LNPK: variants seen among roughly 807,000 people sequenced by gnomAD.
The protein encoded by LNPK is endoplasmic reticulum junction formation protein lunapark.
A neutral mutation model predicts 55.2 loss-of-function variants in LNPK; 29 were observed. That is an observed-to-expected ratio of 0.53 (90% CI 0.39 to 0.72). The LOEUF (loss-of-function observed/expected upper bound fraction) is 0.72, where lower values mean the gene tolerates loss of function less well. Among genes scored for constraint, LNPK ranks in the 30% least tolerant of loss-of-function variants. The pLI is 0.00. For synonymous variants in LNPK, 162 were observed against 168.2 expected, an observed-to-expected ratio of 0.96 and a Z score of 0.29; for missense variants, 467 against 494.8, an observed-to-expected ratio of 0.94 and a Z score of 0.53.
intron 11 of LNPK, 139 bp downstream of exon 11, chr2:175,938,174 T>C: frequency 1.8e-6 from 1 of 555,270 alleles, no homozygotes; most frequent in Non-Finnish European, 3.2e-6. Flanking sequence ...CTTTGCTCTA[T>C]GTACTAAAAT....
At chr2:175,949,516 T>C (rs1400288195) in intron 8 of LNPK, among the ~76,000 whole-genome samples, 2 of 152,098 alleles carry the variant, frequency 1.3e-5, no homozygotes, top group African/African-American at 4.8e-5. Flanking sequence ...AATGAAAGTT[T>C]AGCATTTATT....
At chr2:175,936,074 G>A (rs552137646) in intron 12 of LNPK, among the ~76,000 whole-genome samples, 10 of 152,266 alleles carry the variant, frequency 6.6e-5, no homozygotes, top group Admixed American at 5.9e-4. Flanking sequence ...CAAGGCAGAT[G>A]GTTTGCATGT....
intron 8 of LNPK, among the ~76,000 whole-genome samples, chr2:175,951,723 T>C (rs990272679): frequency 6.6e-6 from 1 of 151,548 alleles, no homozygotes; most frequent in Non-Finnish European, 1.5e-5. Context: ...TTTCGTATAA[T>C]GACTTATTTT....
intron 8 of LNPK, among the ~76,000 whole-genome samples, chr2:175,955,711 CA>C (rs1039774392): frequency 1.3e-5 from 2 of 151,836 alleles, no homozygotes; most frequent in African/African-American, 2.4e-5. Flanking sequence ...GTATAAAGAT[CA>C]AAAAAAGATC....
At chr2:175,964,319 G>A in intron 8 of LNPK, 53 bp downstream of exon 8, 1 of 1,449,968 alleles carries the variant, frequency 6.9e-7, no homozygotes, top group Non-Finnish European at 9.7e-7. Flanking sequence ...GAACTCACTT[G>A]GGTAATTATG....
intron 1 of LNPK, among the ~76,000 whole-genome samples, chr2:175,996,687 C>A (rs1017503569): frequency 1.3e-5 from 2 of 152,140 alleles, no homozygotes; most frequent in Admixed American, 1.3e-4. Flanking sequence ...CTGTTCAATG[C>A]CCAAATAAAC....
intron 9 of LNPK, among the ~76,000 whole-genome samples, chr2:175,946,932 T>C (rs1205444848): frequency 6.6e-6 from 1 of 151,906 alleles, no homozygotes; most frequent in Admixed American, 6.6e-5. Context: ...AAAGAGATAA[T>C]CTATGAAATA....
intron 6 of LNPK, among the ~76,000 whole-genome samples, chr2:175,970,159 G>C (rs1193617876): frequency 6.6e-6 from 1 of 152,038 alleles, no homozygotes; most frequent in Non-Finnish European, 1.5e-5. Context: ...ACTTATTACA[G>C]ACTACTATGT....
At chr2:175,967,535 A>T in intron 6 of LNPK, 1 of 540,746 alleles carries the variant, frequency 1.8e-6, no homozygotes, top group Non-Finnish European at 2.4e-6. Flanking sequence ...TACTCATGAA[A>T]AATATTCCAG....
At chr2:175,996,427 T>G (rs1417855070) in intron 1 of LNPK, among the ~76,000 whole-genome samples, 1 of 152,194 alleles carries the variant, frequency 6.6e-6, no homozygotes, top group African/African-American at 2.4e-5. Context: ...GAGTTATGAA[T>G]AAGAAAATAA....
At chr2:175,957,455 C>T (rs1685751996) in intron 8 of LNPK, among the ~76,000 whole-genome samples, 1 of 151,870 alleles carries the variant, frequency 6.6e-6, no homozygotes. Flanking sequence ...CTATCACACA[C>T]TTGTCAAAAG....
intron 6 of LNPK, among the ~76,000 whole-genome samples, chr2:175,969,144 A>C (rs1049476776): frequency 6.6e-6 from 1 of 152,244 alleles, no homozygotes; most frequent in South Asian, 2.1e-4. Flanking sequence ...ACAATAATCA[A>C]GTAAATGCAA....
Position 176,002,195 on chromosome 2 carries a change from A to AC in LNPK, c.-99dup. On this transcript the variant is annotated 5_prime_UTR_variant, in exon 1 of 13. Transcript: ENST00000272748. ...CGGGCGCAGCCCGGCCCGGGCGTCC[A>AC]CCCCCGCCAGTCTCGGCCGCCACCG... is the stretch of plus-strand genomic sequence containing the variant. The AC allele has an allele frequency of 2.3e-6, 1 of 437,204 alleles. No individual in the cohort carries two copies. The highest frequency in any genetic ancestry group is 2.4e-5 in the Admixed American group (1 of 41,142). The allele number at this position is 437,204 out of a possible 1,614,324, so 27.1% of individuals were successfully genotyped here. A position where few individuals can be genotyped will look rare whatever the true frequency, so the allele number is the denominator to read the frequency against.
intron 6 of LNPK, among the ~76,000 whole-genome samples, chr2:175,969,018 C>T (rs1228431214): frequency 6.9e-6 from 1 of 144,342 alleles, no homozygotes; most frequent in Non-Finnish European, 1.5e-5. Context: ...AATTCCATCT[C>T]AAAAAAAGAA....
intron 2 of LNPK, 84 bp from the exon 3 acceptor site, chr2:175,993,307 T>C: frequency 1.3e-6 from 1 of 789,172 alleles, no homozygotes; most frequent in Non-Finnish European, 1.9e-6. Context: ...AGAACATTTA[T>C]TTCAAAATTA....
At chr2:175,979,722 C>G in intron 5 of LNPK, 88 bp downstream of exon 5, 1 of 1,129,046 alleles carries the variant, frequency 8.9e-7, no homozygotes, top group South Asian at 1.6e-5. Context: ...ATTATCATTC[C>G]AATATCATAT....
intron 8 of LNPK, among the ~76,000 whole-genome samples, chr2:175,947,972 G>A (rs1329676267): frequency 2.0e-5 from 3 of 152,080 alleles, no homozygotes; most frequent in Admixed American, 1.3e-4. Context: ...ACCCAATTAT[G>A]TGCCATGTCT....
In LNPK at chr2:175,992,244, CA is replaced by C; in HGVS notation, c.243del (p.Phe81LeufsTer5). 6.4e-7 allele frequency: 1 copy of C among 1,553,680 alleles called. No individual in the cohort carries two copies. The highest frequency in any genetic ancestry group is 1.3e-5 in the South Asian group (1 of 79,490). ...TAATTTACTTACATCAATGGAAAAG[CA>C]AAAAATGGGAGTGTCATGGCAAGTC... ...TARLAMTLPF[F>X]AFPLIIWSIR... On this transcript the variant is annotated frameshift_variant, in exon 4 of 13. Coordinates refer to ENST00000272748, the MANE Select transcript of LNPK (RefSeq NM_030650.3). LOFTEE classifies it high-confidence loss of function.
chr2:175,975,010 ATTT>A (rs56951449), intron 5 of LNPK, among the ~76,000 whole-genome samples: 11 of 141,566 alleles, frequency 7.8e-5, no homozygotes, highest in South Asian at 2.2e-4. Flanking sequence ...AAGGTTTCTT[ATTT>A]TTTTTTTTTT....
Sources: gnomAD v4.1 joint callset for allele counts (sites outside exome capture counted in the v4.1 genomes callset) on GRCh38, gnomAD v4.1.1 for gene constraint, MANE v1.5 for transcripts, NCBI Gene and HGNC (gene_info 2026-07-23, HGNC 2026-07-21) for gene names.